B3GALT1: variants seen among roughly 807,000 people sequenced by gnomAD.
B3GALT1 encodes UDP-Gal:betaGlcNAc beta 1,3-galactosyltransferase, polypeptide 1.
A neutral mutation model predicts 23.2 loss-of-function variants in B3GALT1; 10 were observed. The ratio of observed to expected loss-of-function variants is 0.43; its 90% confidence interval spans 0.27 to 0.73. The LOEUF is 0.73. Among genes scored for constraint, B3GALT1 ranks in the 30% least tolerant of loss-of-function variants. The pLI is 0.21. For missense variants in B3GALT1, 299 were observed against 405.4 expected (o/e 0.74, Z 2.25); for synonymous variants, 156 against 141.5 (o/e 1.10, Z -0.73).
chr2:167,550,894 G>C (rs73026038), intron 2 of B3GALT1, among the ~76,000 whole-genome samples: 1 of 152,152 alleles, frequency 6.6e-6, no homozygotes, highest in African/African-American at 2.4e-5. Context: ...CCCAAACACC[G>C]TCTCACTTAT....
Position 167,325,710 on chromosome 2 carries a change from T to C in B3GALT1, c.-511+32376T>C, listed in dbSNP as rs201196737. On this transcript the variant is annotated intron_variant, in intron 1 of 4. Transcript: ENST00000392690. ...AATCTCCACCCTGTTTTCTTTTTTT[T>C]TTTTTTTTTTTTTTTTTCTTTTTTC... 5.2e-4 allele frequency among the ~76,000 whole-genome samples: 5 copies of C among 9,558 alleles called. No homozygotes were observed. In the Non-Finnish European group the frequency reaches 5.9e-3, roughly 11 times the overall value. The allele number at this position is 9,558 out of a possible 152,430, so 6.3% of individuals were successfully genotyped here.
At chr2:167,435,616 G>A (rs1266714228) in intron 1 of B3GALT1, among the ~76,000 whole-genome samples, 2 of 152,008 alleles carry the variant, frequency 1.3e-5, no homozygotes, top group East Asian at 1.9e-4. Flanking sequence ...GCAAACAAGA[G>A]GAGACTGACT....
chr2:167,696,219 GTTCTGCCTT>G (rs1210317486), intron 3 of B3GALT1, among the ~76,000 whole-genome samples: 1 of 138,012 alleles, frequency 7.2e-6, no homozygotes, highest in Non-Finnish European at 1.5e-5. Context: ...AAAAATACCA[GTTCTGCCTT>G]TTCTGCCTTT....
intron 1 of B3GALT1, among the ~76,000 whole-genome samples, chr2:167,377,045 G>C (rs1697777007): frequency 1.3e-5 from 2 of 151,930 alleles, no homozygotes; most frequent in Non-Finnish European, 2.9e-5. Flanking sequence ...TTGTGTCTCT[G>C]TTTTCTTTTA....
intron 4 of B3GALT1, among the ~76,000 whole-genome samples, chr2:167,863,287 A>G (rs1275225401): frequency 6.6e-6 from 1 of 152,150 alleles, no homozygotes; most frequent in East Asian, 1.9e-4. Context: ...ACTAACAGCA[A>G]TACTATTTCT....
At chr2:167,766,991 GATTGT>G (rs1308025374) in intron 3 of B3GALT1, among the ~76,000 whole-genome samples, 1 of 152,136 alleles carries the variant, frequency 6.6e-6, no homozygotes, top group Non-Finnish European at 1.5e-5. Context: ...TTGTCTTCAG[GATTGT>G]ACTGGGAAAG....
At chr2:167,383,805 T>G (rs1574057336) in intron 1 of B3GALT1, among the ~76,000 whole-genome samples, 1 of 152,238 alleles carries the variant, frequency 6.6e-6, no homozygotes, top group Non-Finnish European at 1.5e-5. Flanking sequence ...GTTTGCAATA[T>G]AAACTTTCAG....
intron 2 of B3GALT1, among the ~76,000 whole-genome samples, chr2:167,517,384 C>G (rs1300544209): frequency 6.6e-6 from 1 of 151,850 alleles, no homozygotes; most frequent in Non-Finnish European, 1.5e-5. Flanking sequence ...AGAAAATCTT[C>G]TCAAAGCAAA....
At chr2:167,428,004 G>A (rs758677318) in intron 1 of B3GALT1, among the ~76,000 whole-genome samples, 4 of 152,122 alleles carry the variant, frequency 2.6e-5, no homozygotes, top group Non-Finnish European at 4.4e-5. Context: ...ATGCAATAAA[G>A]TGCAGAGTCT....
chr2:167,728,249 A>G (rs1039515177), intron 3 of B3GALT1, among the ~76,000 whole-genome samples: 5 of 152,136 alleles, frequency 3.3e-5, no homozygotes, highest in African/African-American at 1.2e-4. Flanking sequence ...TTAGCCAGGC[A>G]TGGTGGCACC....
chr2:167,390,235 AGAAAT>A (rs1262297301), intron 1 of B3GALT1, among the ~76,000 whole-genome samples: 1 of 152,226 alleles, frequency 6.6e-6, no homozygotes, highest in Non-Finnish European at 1.5e-5. Context: ...GGGCTACAGA[AGAAAT>A]GAAGCAAGAG....
At chr2:167,438,519 G>A (rs1698825569) in intron 1 of B3GALT1, among the ~76,000 whole-genome samples, 1 of 152,184 alleles carries the variant, frequency 6.6e-6, no homozygotes, top group African/African-American at 2.4e-5. Flanking sequence ...AGTGCAACCT[G>A]GATATTTGGT....
At chr2:167,799,742 T>C (rs1688605367) in intron 3 of B3GALT1, among the ~76,000 whole-genome samples, 2 of 152,204 alleles carry the variant, frequency 1.3e-5, no homozygotes. Context: ...GTTTTATTTC[T>C]TGTGCTTGGC....
intron 3 of B3GALT1, among the ~76,000 whole-genome samples, chr2:167,812,444 T>C (rs983158483): frequency 4.6e-5 from 7 of 152,342 alleles, no homozygotes; most frequent in African/African-American, 1.7e-4. Context: ...TTGCTTGTTA[T>C]AAAGGTAAAT....
intron 2 of B3GALT1, among the ~76,000 whole-genome samples, chr2:167,598,182 G>A (rs552149644): frequency 1.3e-5 from 2 of 152,132 alleles, no homozygotes; most frequent in South Asian, 2.1e-4. Context: ...AAAAATTGAA[G>A]CAAGACTGAA....
chr2:167,454,194 A>G (rs1668943171), intron 1 of B3GALT1, among the ~76,000 whole-genome samples: 2 of 146,290 alleles, frequency 1.4e-5, no homozygotes, highest in South Asian at 4.3e-4. Flanking sequence ...GTATAACAGG[A>G]AAGTGTGTGT....
intron 1 of B3GALT1, among the ~76,000 whole-genome samples, chr2:167,408,807 A>AAC (rs1553517665): frequency 3.6e-5 from 5 of 138,074 alleles, no homozygotes; most frequent in Admixed American, 1.4e-4. Context: ...ACAAAAAAAA[A>AAC]AAAAAACAAA....
intron 1 of B3GALT1, among the ~76,000 whole-genome samples, chr2:167,452,380 T>G (rs915262415): frequency 6.6e-6 from 1 of 152,222 alleles, no homozygotes; most frequent in African/African-American, 2.4e-5. Flanking sequence ...TTCCTGCTGC[T>G]TCTTCTATCC....
At chr2:167,849,697 C>T (rs78933411) in intron 4 of B3GALT1, among the ~76,000 whole-genome samples, 19,615 of 151,890 alleles carry the variant, frequency 0.13, 1,544 homozygotes, top group East Asian at 0.37. Flanking sequence ...ACCATCCTGG[C>T]TAACACAGTG....
Sources: gnomAD v4.1 joint callset for allele counts (sites outside exome capture counted in the v4.1 genomes callset) on GRCh38, gnomAD v4.1.1 for gene constraint, MANE v1.5 for transcripts, NCBI Gene and HGNC (gene_info 2026-07-23, HGNC 2026-07-21) for gene names.